The following MSRA variants were observed in gnomAD, a reference collection of about 807,000 sequenced individuals.
MSRA encodes the protein methionine sulfoxide reductase A, also known as mitochondrial peptide methionine sulfoxide reductase.
A neutral mutation model predicts 31.3 loss-of-function variants in MSRA; 54 were observed. That is an observed-to-expected ratio of 1.73 (90% confidence interval 1.39 to 2.17). The LOEUF (loss-of-function observed/expected upper bound fraction) is 2.17, where lower values mean the gene tolerates loss of function less well. Among genes scored for constraint, MSRA ranks in the 30% most tolerant of loss-of-function variants. MSRA has a pLI of 0.00. For missense variants in MSRA, 507 were observed against 300.9 expected, an observed-to-expected ratio of 1.69 and a Z score of -5.07; for synonymous variants, 169 against 116.5, an observed-to-expected ratio of 1.45 and a Z score of -2.90.
At chr8:10,295,504 C>T (rs949608701) in intron 3 of MSRA, among the ~76,000 whole-genome samples, 2 of 152,212 alleles carry the variant, frequency 1.3e-5, no homozygotes, top group Admixed American at 6.5e-5. Flanking sequence ...ATGAGCCCCA[C>T]CTGGGACCCC....
intron 1 of MSRA, among the ~76,000 whole-genome samples, chr8:10,068,767 C>T (rs73189199): frequency 6.6e-6 from 1 of 151,908 alleles, no homozygotes; most frequent in Non-Finnish European, 1.5e-5. Flanking sequence ...TTCTTTTTTT[C>T]CCCCTTTCCA....
At position 10,328,027 on chromosome 8, in the gene MSRA, A is replaced by ATTTTTTTTTTTT. The variant is rs35940076; in HGVS notation, c.543+8052_543+8063dup. 4.7e-4 allele frequency among the ~76,000 whole-genome samples: 31 copies of ATTTTTTTTTTTT among 65,332 alleles called. 4 individuals carry two copies. Among genetic ancestry groups the ATTTTTTTTTTTT allele is most frequent in the African/African-American group, 2.1e-3 (29 of 14,106 alleles). The allele number at this position is 65,332 out of a possible 152,430, so 42.9% of individuals were successfully genotyped here. ...TAGTTTGAATACCATCTCTATGGTA[A>ATTTTTTTTTTTT]TTTTTTTTTTTTTTTTTTTTTTTTT... On this transcript the variant is annotated intron_variant, in intron 5 of 5. Coordinates refer to ENST00000317173, the MANE Select transcript of MSRA (RefSeq NM_012331.5).
chr8:10,270,592 C>T (rs1798980257), intron 3 of MSRA, among the ~76,000 whole-genome samples: 1 of 152,116 alleles, frequency 6.6e-6, no homozygotes, highest in South Asian at 2.1e-4. Context: ...CAGCACAGGG[C>T]CACTGAAACC....
At chr8:10,098,980 G>T (rs79957172) in intron 1 of MSRA, among the ~76,000 whole-genome samples, 2 of 152,142 alleles carry the variant, frequency 1.3e-5, no homozygotes, top group Non-Finnish European at 2.9e-5. Flanking sequence ...GGAAGATAAG[G>T]CCCCTCCCAC....
intron 5 of MSRA, among the ~76,000 whole-genome samples, chr8:10,416,527 G>A (rs1479974508): frequency 6.6e-6 from 1 of 152,202 alleles, no homozygotes; most frequent in East Asian, 1.9e-4. Context: ...TGTGGCAAAG[G>A]GTGGACAAGT....
chr8:10,369,211 T>C (rs1329243265), intron 5 of MSRA, among the ~76,000 whole-genome samples: 1 of 151,796 alleles, frequency 6.6e-6, no homozygotes, highest in Non-Finnish European at 1.5e-5. Context: ...AGTGACCTTT[T>C]AAATACTGTT....
intron 1 of MSRA, among the ~76,000 whole-genome samples, chr8:10,094,388 T>A (rs1346484256): frequency 6.6e-6 from 1 of 152,258 alleles, no homozygotes. Flanking sequence ...TGATCCTAAT[T>A]GTGAAGATGA....
At chr8:10,150,111 A>G (rs1190498864) in intron 1 of MSRA, among the ~76,000 whole-genome samples, 3 of 151,922 alleles carry the variant, frequency 2.0e-5, no homozygotes, top group African/African-American at 7.3e-5. Context: ...AGGAATGCCG[A>G]GAGCTGACTG....
intron 5 of MSRA, among the ~76,000 whole-genome samples, chr8:10,368,836 C>T (rs898939606): frequency 6.6e-6 from 1 of 152,150 alleles, no homozygotes; most frequent in African/African-American, 2.4e-5. Flanking sequence ...TTCCCTTCTG[C>T]CTGGGAGACG....
At chr8:10,085,860 A>G (rs1042097976) in intron 1 of MSRA, among the ~76,000 whole-genome samples, 2 of 152,232 alleles carry the variant, frequency 1.3e-5, no homozygotes, top group African/African-American at 4.8e-5. Context: ...TCTTCTCTGT[A>G]TGGGCTTTTC....
intron 4 of MSRA, among the ~76,000 whole-genome samples, chr8:10,303,624 C>T (rs1000391596): frequency 1.3e-5 from 2 of 152,178 alleles, no homozygotes; most frequent in African/African-American, 4.8e-5. Flanking sequence ...CCCTGACTGC[C>T]CCAGGACCCC....
intron 1 of MSRA, chr8:10,095,654 T>A: frequency 2.0e-6 from 2 of 998,446 alleles, no homozygotes; most frequent in Non-Finnish European, 2.4e-6. Context: ...TTCTTTTGTC[T>A]GCTTTCTCGG....
intron 1 of MSRA, among the ~76,000 whole-genome samples, chr8:10,177,966 A>G (rs898476496): frequency 8.5e-5 from 13 of 152,234 alleles, no homozygotes; most frequent in Admixed American, 6.5e-4. Context: ...ACTTTGAACC[A>G]GGTCAAGAAC....
At chr8:10,139,801 G>T (rs1202139376) in intron 1 of MSRA, among the ~76,000 whole-genome samples, 1 of 152,164 alleles carries the variant, frequency 6.6e-6, no homozygotes, top group East Asian at 1.9e-4. Flanking sequence ...CTATATCCTT[G>T]CTATTGTGAA....
Position 10,345,493 on chromosome 8 carries a change from C to T in MSRA, c.543+25504C>T, listed in dbSNP as rs140350853. Among the ~76,000 whole-genome samples the T allele has an allele frequency of 7.2e-3, 1,089 of 152,292 alleles. 7 individuals are homozygous for T. Among genetic ancestry groups the T allele is most frequent in the Non-Finnish European group, 9.8e-3 (668 of 68,026 alleles). ...TATCACCACCTGACTTCAGCACACACATACACAGACACACACTTCTGTTTC... is the reference window on the plus strand; with the variant it reads ...TATCACCACCTGACTTCAGCACACATATACACAGACACACACTTCTGTTTC... On this transcript the variant is annotated intron_variant, in intron 5 of 5. Coordinates refer to ENST00000317173, the MANE Select transcript of MSRA (RefSeq NM_012331.5).
intron 2 of MSRA, 80 bp downstream of exon 2, chr8:10,207,981 C>T (rs1585171389): frequency 1.8e-6 from 2 of 1,141,994 alleles, no homozygotes; most frequent in African/African-American, 1.6e-5. Context: ...CAAGTGTTCT[C>T]AGGGCTTCAA....
At chr8:10,348,711 T>C (rs757724993) in intron 5 of MSRA, among the ~76,000 whole-genome samples, 1 of 152,092 alleles carries the variant, frequency 6.6e-6, no homozygotes, top group African/African-American at 2.4e-5. Context: ...TACCAAGGCA[T>C]CTAAAATATT....
At chr8:10,099,795 C>G (rs897883491) in intron 1 of MSRA, among the ~76,000 whole-genome samples, 1 of 152,162 alleles carries the variant, frequency 6.6e-6, no homozygotes, top group East Asian at 1.9e-4. Flanking sequence ...AAGGACTTGC[C>G]TGGTGTGGGG....
intron 2 of MSRA, among the ~76,000 whole-genome samples, chr8:10,242,025 A>C (rs537189217): frequency 6.6e-6 from 1 of 152,260 alleles, no homozygotes; most frequent in Admixed American, 6.5e-5. Flanking sequence ...TAATCCCAGC[A>C]CTTTGGGAGG....
Sources: gnomAD v4.1 joint callset for allele counts (sites outside exome capture counted in the v4.1 genomes callset) on GRCh38, gnomAD v4.1.1 for gene constraint, MANE v1.5 for transcripts, NCBI Gene and HGNC (gene_info 2026-07-23, HGNC 2026-07-21) for gene names.